NSMCE1: variants seen among roughly 807,000 people sequenced by gnomAD.
NSMCE1 encodes the protein non-structural maintenance of chromosomes element 1 homolog.
NSMCE1 carries 18 observed loss-of-function variants against 29.6 expected under a neutral mutation model. That is an observed-to-expected ratio of 0.61 (90% CI 0.42 to 0.90). The LOEUF is 0.90. Ranked by LOEUF, NSMCE1 falls within the 40% of genes least tolerant of loss-of-function variation. The pLI is 0.00. For missense variants in NSMCE1, 314 were observed against 343.6 expected (o/e 0.91, Z 0.68); for synonymous variants, 124 against 133.4 (o/e 0.93, Z 0.49).
chr16:27,248,657 C>T (rs1327410710), intron 2 of NSMCE1, among the ~76,000 whole-genome samples: 2 of 152,098 alleles, frequency 1.3e-5, no homozygotes, highest in African/African-American at 4.8e-5. Flanking sequence ...GATCCACCCA[C>T]CTCGGCCTCC....
At chr16:27,225,413 G>A (rs1406041063) in intron 7 of NSMCE1, among the ~76,000 whole-genome samples, 177 bp from the exon 8 acceptor site, 1 of 152,324 alleles carries the variant, frequency 6.6e-6, no homozygotes, top group East Asian at 1.9e-4. Flanking sequence ...AGTTCAGAGA[G>A]GAACAAACTG....
chr16:27,252,657 G>A (rs1483974962), intron 2 of NSMCE1, among the ~76,000 whole-genome samples: 1 of 152,176 alleles, frequency 6.6e-6, no homozygotes, highest in Non-Finnish European at 1.5e-5. Flanking sequence ...GGTGGCTCAT[G>A]CCTGTAATCC....
chr16:27,230,181 G>A (rs1462589752), intron 5 of NSMCE1, among the ~76,000 whole-genome samples: 2 of 152,192 alleles, frequency 1.3e-5, no homozygotes, highest in East Asian at 3.9e-4. Context: ...TACCACCCCT[G>A]GGCCTTCTCC....
At chr16:27,258,361 A>T (rs895134191) in intron 1 of NSMCE1, among the ~76,000 whole-genome samples, 9 of 152,268 alleles carry the variant, frequency 5.9e-5, no homozygotes. Context: ...ACTAAACAGG[A>T]AGCACTGAGA....
chr16:27,250,647 G>A (rs1007906064), intron 2 of NSMCE1, among the ~76,000 whole-genome samples: 13 of 151,518 alleles, frequency 8.6e-5, no homozygotes, highest in African/African-American at 2.9e-4. Flanking sequence ...ACAAAAATTC[G>A]TCGGGCGTGG....
In NSMCE1 at chr16:27,252,898, G is replaced by A. The variant is rs185945023; in HGVS notation, c.136+4537C>T. 5.3e-5 allele frequency among the ~76,000 whole-genome samples: 8 copies of A among 152,182 alleles called. No homozygotes were observed. In the South Asian group the frequency reaches 1.2e-3, roughly 24 times the overall value. On this transcript the variant is annotated intron_variant, in intron 2 of 7. Coordinates refer to ENST00000361439, the MANE Select transcript of NSMCE1 (RefSeq NM_145080.4). ...CTTGCCATTGCACTCCAGCCTGGGC[G>A]ACAAGAGCAAAACTGTCTCAAAAAA...
rs1316823782 is a variant in NSMCE1 at position 27,231,190 on chromosome 16, AT to A, written c.483+1810del. 9.2e-5 allele frequency among the ~76,000 whole-genome samples: 14 copies of A among 152,298 alleles called. No homozygotes were observed. In the South Asian group the frequency reaches 2.1e-3, roughly 23 times the overall value. On this transcript the variant is annotated intron_variant, in intron 5 of 7. Coordinates refer to ENST00000361439, the MANE Select transcript of NSMCE1 (RefSeq NM_145080.4). ...GTAATGAGCAGATATTTCCTGTAAC[AT>A]TTTTTGTAAGTTTTAAATGCTGTTC... is the stretch of plus-strand genomic sequence containing the variant.
At chr16:27,258,897 C>T (rs2084120275) in intron 1 of NSMCE1, among the ~76,000 whole-genome samples, 1 of 151,920 alleles carries the variant, frequency 6.6e-6, no homozygotes, top group Admixed American at 6.6e-5. Flanking sequence ...ACTACAGGCG[C>T]CCACCACCGT....
intron 2 of NSMCE1, among the ~76,000 whole-genome samples, chr16:27,236,732 CA>C (rs1380346370): frequency 6.6e-6 from 1 of 152,056 alleles, no homozygotes; most frequent in African/African-American, 2.4e-5. Flanking sequence ...AAAAAATGGA[CA>C]ATATGATACA....
At chr16:27,267,536 A>T (rs906778490) in intron 1 of NSMCE1, among the ~76,000 whole-genome samples, 4 of 152,146 alleles carry the variant, frequency 2.6e-5, no homozygotes, top group African/African-American at 7.2e-5. Flanking sequence ...GAGAAAAGTG[A>T]GTGAACAGAA....
chr16:27,251,191 A>ATAAAAAT (rs1555477411), intron 2 of NSMCE1, among the ~76,000 whole-genome samples: 1 of 32,356 alleles, frequency 3.1e-5, no homozygotes, highest in African/African-American at 1.6e-4. Flanking sequence ...TATATATATA[A>ATAAAAAT]ATATATATAT....
In NSMCE1 at chr16:27,225,193, T is replaced by C. The variant is rs765459890; in HGVS notation, c.765A>G (p.Lys255=). 3.7e-6 allele frequency: 6 copies of C among 1,607,640 alleles called. No homozygotes were observed. The Admixed American group carries it at 6.7e-5, about 18-fold the overall frequency. The change falls in exon 8 of 8, where the codon AAA becomes AAG. Residue 255 remains lysine (K), a synonymous_variant. Transcript: ENST00000361439. ...PEKERESGVL[K]SNKKSLRSRQ... ...TGGACCGCAGGGACTTTTTGTTCGA[T>C]TTCAAGACACCAGACTCCCTCTCCT...
At chr16:27,235,530 G>A (rs2083812326) in intron 2 of NSMCE1, among the ~76,000 whole-genome samples, 1 of 152,172 alleles carries the variant, frequency 6.6e-6, no homozygotes, top group African/African-American at 2.4e-5. Flanking sequence ...GGAGGGCCAG[G>A]GAGATGCTAT....
chr16:27,241,897 G>C (rs1490098563), intron 2 of NSMCE1: 1 of 448,132 alleles, frequency 2.2e-6, no homozygotes, highest in African/African-American at 2.0e-5. Flanking sequence ...TACCTAAGAC[G>C]GGACAGGAAG....
chr16:27,228,439 C>A (rs890383914), intron 5 of NSMCE1, among the ~76,000 whole-genome samples: 1 of 152,038 alleles, frequency 6.6e-6, no homozygotes, highest in African/African-American at 2.4e-5. Flanking sequence ...TTACCTTCCC[C>A]CAAAGCTCCC....
At chr16:27,268,361 T>A (rs2084251738) in intron 1 of NSMCE1, 2 of 152,216 alleles carry the variant, frequency 1.3e-5, no homozygotes, top group South Asian at 4.1e-4. Context: ...GAATTTTATA[T>A]TTTGCTTTTT....
chr16:27,258,939 CG>C (rs1024970377), intron 1 of NSMCE1, among the ~76,000 whole-genome samples: 2 of 151,818 alleles, frequency 1.3e-5, no homozygotes, highest in African/African-American at 4.8e-5. Flanking sequence ...TTAGTAGAGA[CG>C]GGTTTCACCA....
In NSMCE1 at chr16:27,229,307, C is replaced by A. The variant is rs80066181; in HGVS notation, c.484-2471G>T. On this transcript the variant is annotated intron_variant, in intron 5 of 7. Coordinates refer to ENST00000361439, the MANE Select transcript of NSMCE1 (RefSeq NM_145080.4). ...TCCTCTGGGACAGCTGTCATAAAGC[C>A]ATGTTTCCTTTCCATCTGTACCAGG... is the stretch of plus-strand genomic sequence containing the variant. 7.5e-3 allele frequency among the ~76,000 whole-genome samples: 1,146 copies of A among 152,330 alleles called. 19 individuals are homozygous for A. The highest frequency in any genetic ancestry group is 0.027 in the African/African-American group (1,102 of 41,564).
chr16:27,225,736 G>C lies in NSMCE1; in HGVS notation c.711C>G (p.His237Gln). ...TCAGGGCCCACGCACTTGGGATCTC[G>C]TGGGGCCAGTAGTCGTTGCAGTGGG... ...RCPHCNDYWP[H>Q]EIPKVFDPEK... is the part of the protein sequence containing the mutation. Residue 237 changes from histidine to glutamine, a missense_variant, in exon 7 of 8, where the codon CAC becomes CAG. Physicochemically the swap from His to Gln is conservative, Grantham distance 24. Coordinates refer to ENST00000361439, the MANE Select transcript of NSMCE1 (RefSeq NM_145080.4). 3 of 1,614,158 alleles carry C rather than the reference G, an allele frequency of 1.9e-6. No individual in the cohort carries two copies. The highest frequency in any genetic ancestry group is 2.5e-6 in the Non-Finnish European group (3 of 1,180,034).
Sources: allele counts gnomAD v4.1 joint callset (sites outside exome capture counted in the v4.1 genomes callset), GRCh38; gene constraint gnomAD v4.1.1; transcripts MANE v1.5; gene names NCBI Gene and HGNC (gene_info 2026-07-23, HGNC 2026-07-21).